The following HAUS1 variants were observed in gnomAD, a reference collection of about 807,000 sequenced individuals.
HAUS1 encodes the protein HAUS augmin like complex subunit 1.
A neutral mutation model predicts 38.6 loss-of-function variants in HAUS1; 25 were observed. The observed-to-expected ratio is 0.65, with a 90% confidence interval of 0.47 to 0.91. HAUS1 has a LOEUF of 0.91. Ranked by LOEUF, HAUS1 falls within the 40% of genes least tolerant of loss-of-function variation. The probability of loss-of-function intolerance (pLI) is 0.00; values close to 1 mark genes in which losing one functional copy is unlikely to be tolerated. For synonymous variants in HAUS1, 109 were observed against 112.9 expected (o/e 0.97, Z 0.22); for missense variants, 325 against 328.4 (o/e 0.99, Z 0.08).
At chr18:46,106,105 G>T (rs1230441594) in intron 2 of HAUS1, among the ~76,000 whole-genome samples, 2 of 152,132 alleles carry the variant, frequency 1.3e-5, no homozygotes, top group African/African-American at 2.4e-5. Context: ...GTGAGACTTG[G>T]ACGAAATTAC....
intron 8 of HAUS1, among the ~76,000 whole-genome samples, chr18:46,127,113 C>T (rs1315003566): frequency 5.3e-5 from 8 of 151,840 alleles, no homozygotes; most frequent in African/African-American, 7.2e-5. Flanking sequence ...GAGTTACAGG[C>T]GTGAGCCACC....
chr18:46,113,909 G>C (rs550050605), intron 2 of HAUS1, among the ~76,000 whole-genome samples: 1 of 152,230 alleles, frequency 6.6e-6, no homozygotes, highest in Admixed American at 6.5e-5. Context: ...CAGCTCCTCA[G>C]GGAGACACAT....
chr18:46,109,784 G>A (rs1911571786), intron 2 of HAUS1: 1 of 151,984 alleles, frequency 6.6e-6, no homozygotes, highest in African/African-American at 2.4e-5. Context: ...ACCGTGCTCA[G>A]GTAATTTTTG....
intron 2 of HAUS1, chr18:46,106,703 A>C (rs970731702): frequency 6.6e-6 from 1 of 151,938 alleles, no homozygotes; most frequent in African/African-American, 2.4e-5. Flanking sequence ...GCTTTTTTCC[A>C]GTTTTCTTTT....
chr18:46,106,064 A>G (rs1255810950), intron 2 of HAUS1, among the ~76,000 whole-genome samples: 1 of 152,204 alleles, frequency 6.6e-6, no homozygotes, highest in Admixed American at 6.6e-5. Flanking sequence ...ATACGGACCT[A>G]TCAGGACACC....
chr18:46,104,451 C>G lies in HAUS1; in HGVS notation c.30+10C>G, dbSNP rs8095039. ...GGAGAGAGAAACGCAGGTGATGGGG[C>G]GGGAATGGGGATCGTTGGCCTCCTG... On this transcript the variant is annotated intron_variant, in intron 1 of 8. Coordinates refer to ENST00000282058, the MANE Select transcript of HAUS1 (RefSeq NM_138443.4). 6.8e-7 allele frequency: 1 copy of G among 1,463,046 alleles called. No homozygotes were observed. Among genetic ancestry groups the G allele is most frequent in the East Asian group, 2.9e-5 (1 of 35,022 alleles). 90.6% of individuals were successfully genotyped at this position (1,463,046 alleles called of 1,614,324 possible).
intron 2 of HAUS1, among the ~76,000 whole-genome samples, chr18:46,114,534 C>T (rs767892611): frequency 6.6e-6 from 1 of 152,150 alleles, no homozygotes; most frequent in African/African-American, 2.4e-5. Flanking sequence ...GGAGCAAGGG[C>T]CATTGGGACT....
intron 2 of HAUS1, 123 bp from the exon 3 acceptor site, chr18:46,118,058 C>A: frequency 1.2e-6 from 1 of 828,354 alleles, no homozygotes; most frequent in Non-Finnish European, 1.9e-6. Context: ...CAACTAAAAG[C>A]CACTGAATTA....
intron 2 of HAUS1, among the ~76,000 whole-genome samples, chr18:46,111,784 C>A (rs753475383): frequency 3.3e-5 from 5 of 151,342 alleles, no homozygotes; most frequent in Non-Finnish European, 7.4e-5. Flanking sequence ...ATTTTCACTT[C>A]TTTCTCTTTT....
At chr18:46,108,190 G>C (rs1037615696) in intron 2 of HAUS1, among the ~76,000 whole-genome samples, 1 of 151,568 alleles carries the variant, frequency 6.6e-6, no homozygotes, top group Non-Finnish European at 1.5e-5. Context: ...AGACAAGAGA[G>C]AATCCAGTCT....
intron 2 of HAUS1, among the ~76,000 whole-genome samples, chr18:46,110,152 CTTTTTTTTT>C (rs869105132): frequency 3.5e-5 from 4 of 115,370 alleles, no homozygotes; most frequent in Non-Finnish European, 5.4e-5. Context: ...TTATTTTGTC[CTTTTTTTTT>C]TTTTTTTTTT....
At chr18:46,120,189 A>G (rs1245781965) in intron 4 of HAUS1, 129 bp downstream of exon 4, 2 of 625,686 alleles carry the variant, frequency 3.2e-6, no homozygotes, top group South Asian at 2.3e-5. Context: ...ACATTTTTTT[A>G]AGTTGAATGA....
chr18:46,104,553 C>A, intron 1 of HAUS1, 112 bp downstream of exon 1: 2 of 896,282 alleles, frequency 2.2e-6, no homozygotes, highest in South Asian at 2.6e-5. Context: ...CTCCCCTATT[C>A]CACACATCCG....
At chr18:46,117,957 T>A (rs7230180) in intron 2 of HAUS1, among the ~76,000 whole-genome samples, 36,020 of 151,366 alleles carry the variant, frequency 0.24, 5,637 homozygotes, top group African/African-American at 0.43. Flanking sequence ...AAAAGAAAAA[T>A]AAAGAAAAAT....
chr18:46,125,868 C>A, intron 8 of HAUS1, 77 bp downstream of exon 8: 1 of 893,820 alleles, frequency 1.1e-6, no homozygotes, highest in Non-Finnish European at 1.8e-6. Flanking sequence ...CTTCTTCATC[C>A]TTCTTTCCTT....
intron 2 of HAUS1, chr18:46,109,929 T>C (rs1270898385): frequency 1.3e-5 from 2 of 152,126 alleles, no homozygotes; most frequent in African/African-American, 2.4e-5. Context: ...CTCAGTTGCT[T>C]TTTTAATCAG....
intron 6 of HAUS1, 69 bp from the exon 7 acceptor site, chr18:46,124,753 A>G (rs745982208): frequency 1.4e-4 from 113 of 786,718 alleles, no homozygotes; most frequent in Middle Eastern, 2.4e-4. Context: ...GTTTTATTTC[A>G]GAAATGGACA....
In HAUS1 at chr18:46,125,748, C is replaced by T. The variant is rs769854055; in HGVS notation, c.743C>T (p.Pro248Leu). 1.1e-5 allele frequency: 17 copies of T among 1,593,744 alleles called. No homozygotes were observed. Among genetic ancestry groups the T allele is most frequent in the South Asian group, 2.2e-5 (2 of 89,194 alleles). The stretch of plus-strand genomic sequence containing the variant: ...TTGTTTTATTTTTTTTTAAAGAATC[C>T]GTCTCTTGCTCAAGTGAAAATTGAA... ...LESYLDLMPNPSLAQVKIEEA... is the reference protein window; with the variant it reads ...LESYLDLMPNLSLAQVKIEEA... Residue 248 changes from proline (P) to leucine (L), a missense_variant, in exon 8 of 9, where the codon CCG becomes CTG. Pro to Leu is a moderately conservative substitution (Grantham distance 98). Coordinates refer to ENST00000282058, the MANE Select transcript of HAUS1 (RefSeq NM_138443.4).
rs1911434352 is a variant in HAUS1 at position 46,105,359 on chromosome 18, G to A, written c.196G>A (p.Glu66Lys). 4.3e-6 allele frequency: 7 copies of A among 1,610,954 alleles called. No individual in the cohort carries two copies. The East Asian group carries it at 1.3e-4, about 31-fold the overall frequency. Residue 66 changes from glutamate to lysine, a missense_variant, in exon 2 of 9, where the codon GAG (glutamate) becomes AAG (lysine). Physicochemically the swap from Glu to Lys is moderately conservative, Grantham distance 56. Coordinates refer to ENST00000282058, the MANE Select transcript of HAUS1 (RefSeq NM_138443.4). ...CTTGAAGCAGAAAGCAAGTGAATAC[G>A]AGTCAGAAGGTGAGATTAAGTCCAG... ...EDLKQKASEY[E>K]SEAKYLQDLL...
Sources: allele counts gnomAD v4.1 joint callset (sites outside exome capture counted in the v4.1 genomes callset), GRCh38; gene constraint gnomAD v4.1.1; transcripts MANE v1.5; gene names NCBI Gene and HGNC (gene_info 2026-07-23, HGNC 2026-07-21).